Variants in IRAG1 observed in about 807,000 individuals in gnomAD.
The protein encoded by IRAG1 is IP3R-associated cGMP kinase substrate.
IRAG1 carries 62 observed loss-of-function variants against 106.2 expected under a neutral mutation model. That is an observed-to-expected ratio of 0.58 (90% CI 0.48 to 0.72). The LOEUF (loss-of-function observed/expected upper bound fraction) is 0.72, where lower values mean the gene tolerates loss of function less well. Ranked by LOEUF, IRAG1 falls within the 30% of genes least tolerant of loss-of-function variation. The pLI is 0.00. For synonymous variants in IRAG1, 462 were observed against 443.9 expected (o/e 1.04, Z -0.51); for missense variants, 1,064 against 1,140.7 (o/e 0.93, Z 0.97).
rs1862238954 is a variant in IRAG1 at position 10,693,751 on chromosome 11, A to G, written c.-149T>C. The G allele has an allele frequency of 4.3e-6, 4 of 929,300 alleles. No homozygotes were observed. Among genetic ancestry groups the G allele is most frequent in the Non-Finnish European group, 6.3e-6 (4 of 630,808 alleles). 57.6% of individuals were successfully genotyped at this position (929,300 alleles called of 1,614,324 possible). A position where few individuals can be genotyped will look rare whatever the true frequency, so the allele number is the denominator to read the frequency against. ...CCACTCCGGCCTGGCTCGGGGGATA[A>G]TGGCAGGGAAAGCCGACCAGCTGGC... On this transcript the variant is annotated 5_prime_UTR_variant, in exon 1 of 21. Coordinates refer to ENST00000423302, the MANE Select transcript of IRAG1 (RefSeq NM_130385.4).
At chr11:10,615,495 C>T (rs1855321587) in intron 10 of IRAG1, among the ~76,000 whole-genome samples, 1 of 152,124 alleles carries the variant, frequency 6.6e-6, no homozygotes, top group Admixed American at 6.5e-5. Context: ...ATGTTTATTG[C>T]AGCACTATTC....
chr11:10,633,650 G>T (rs911807272), intron 3 of IRAG1, among the ~76,000 whole-genome samples: 2 of 152,138 alleles, frequency 1.3e-5, no homozygotes, highest in Non-Finnish European at 2.9e-5. Context: ...CCCTTTCCAT[G>T]GGGGAACAAG....
At chr11:10,613,739 C>T (rs573573648) in intron 10 of IRAG1, among the ~76,000 whole-genome samples, 1 of 152,146 alleles carries the variant, frequency 6.6e-6, no homozygotes, top group Admixed American at 6.5e-5. Context: ...GGAAGATATT[C>T]GGCCATTCTC....
At chr11:10,691,324 G>C (rs547996097) in intron 1 of IRAG1, among the ~76,000 whole-genome samples, 1 of 152,236 alleles carries the variant, frequency 6.6e-6, no homozygotes, top group Admixed American at 6.5e-5. Context: ...TAAGGTCTCC[G>C]CCCTTGCAGG....
intron 11 of IRAG1, among the ~76,000 whole-genome samples, chr11:10,609,017 A>G (rs1481582257): frequency 1.3e-5 from 2 of 152,176 alleles, no homozygotes; most frequent in Non-Finnish European, 2.9e-5. Context: ...TAGGGGTCCA[A>G]CTTCACTCTT....
At chr11:10,629,410 C>T (rs1591636723) in intron 5 of IRAG1, 128 bp downstream of exon 5, 2 of 950,142 alleles carry the variant, frequency 2.1e-6, no homozygotes, top group Non-Finnish European at 3.1e-6. Context: ...CTGACCTCTG[C>T]TGAGGAGAGC....
Position 10,684,032 on chromosome 11 carries a change from G to A in IRAG1, c.67+9504C>T, listed in dbSNP as rs190067923. ...ATAATAAAGAAATATACATAAATTG[G>A]AGGTGCATGCTAAAAAAATTTTCTC... On this transcript the variant is annotated intron_variant, in intron 1 of 20. Transcript: ENST00000423302. Among the ~76,000 whole-genome samples the A allele has an allele frequency of 3.8e-3, 578 of 152,162 alleles. 1 individual carries two copies. Among genetic ancestry groups the A allele is most frequent in the Non-Finnish European group, 6.5e-3 (440 of 68,018 alleles).
At chr11:10,627,147 G>A (rs1322972729) in intron 8 of IRAG1, among the ~76,000 whole-genome samples, 1 of 152,132 alleles carries the variant, frequency 6.6e-6, no homozygotes, top group Non-Finnish European at 1.5e-5. Flanking sequence ...AGGGAAACCT[G>A]GGCCGTGAGC....
At chr11:10,677,610 AT>A (rs1022796341) in intron 1 of IRAG1, among the ~76,000 whole-genome samples, 35 of 152,244 alleles carry the variant, frequency 2.3e-4, no homozygotes, top group African/African-American at 8.4e-4. Context: ...TTTTTAAAAA[AT>A]TATGATAAAA....
chr11:10,622,605 A>C (rs961954272), intron 10 of IRAG1, among the ~76,000 whole-genome samples: 2 of 152,084 alleles, frequency 1.3e-5, no homozygotes, highest in African/African-American at 4.8e-5. Flanking sequence ...CCCAGGCTCA[A>C]GCGATCCTCC....
At chr11:10,644,447 A>G (rs189915116) in intron 2 of IRAG1, among the ~76,000 whole-genome samples, 3 of 152,340 alleles carry the variant, frequency 2.0e-5, no homozygotes, top group Admixed American at 2.0e-4. Context: ...TGATGAGATA[A>G]GTAGAAATGA....
chr11:10,650,410 T>C (rs1185743987), intron 2 of IRAG1, among the ~76,000 whole-genome samples: 1 of 152,212 alleles, frequency 6.6e-6, no homozygotes, highest in Non-Finnish European at 1.5e-5. Context: ...TTAGGAATGC[T>C]TTTAGTCTTG....
intron 1 of IRAG1, among the ~76,000 whole-genome samples, chr11:10,661,671 C>T (rs1408578456): frequency 6.6e-6 from 1 of 152,186 alleles, no homozygotes; most frequent in Non-Finnish European, 1.5e-5. Context: ...TCTCTGCTTC[C>T]CCCTTCACAT....
rs1859203641 is a variant in IRAG1 at position 10,659,204 on chromosome 11, G to C, written c.68-7022C>G. On this transcript the variant is annotated intron_variant, in intron 1 of 20. Transcript: ENST00000423302. This position sits in a 1 kb window ranked among gnomAD's most constrained non-coding sequence, Gnocchi z 4.1. ...CTAGTGTGGAATCCCTCCTGGAAGA[G>C]AGCCAGCCACAGTGTCTGGCCAAGT... Among the ~76,000 whole-genome samples the C allele has an allele frequency of 6.6e-6, 1 of 152,202 alleles. No individual in the cohort carries two copies. The highest frequency in any genetic ancestry group is 2.4e-5 in the African/African-American group (1 of 41,456).
Position 10,687,692 on chromosome 11 carries a change from C to T in IRAG1, c.67+5844G>A, listed in dbSNP as rs1031847388. On this transcript the variant is annotated intron_variant, in intron 1 of 20. Transcript: ENST00000423302. ...GAGAGGAAGTCCACCACTCTCCTTG[C>T]GGTGTTTTTGGAGTTGAGAATAGGA... 57 of 1,287,830 alleles carry T rather than the reference C, an allele frequency of 4.4e-5. No individual in the cohort carries two copies. The Admixed American group carries it at 5.1e-4, about 11-fold the overall frequency. 79.8% of individuals were successfully genotyped at this position (1,287,830 alleles called of 1,614,324 possible). A position where few individuals can be genotyped will look rare whatever the true frequency, so the allele number is the denominator to read the frequency against.
chr11:10,643,105 G>A (rs1589901266), intron 2 of IRAG1, among the ~76,000 whole-genome samples: 1 of 142,642 alleles, frequency 7.0e-6, no homozygotes, highest in East Asian at 2.0e-4. Context: ...AACCCAGGAG[G>A]CGGAGCTTAC....
intron 9 of IRAG1, among the ~76,000 whole-genome samples, chr11:10,625,464 A>G (rs2134562225): frequency 6.6e-6 from 1 of 152,266 alleles, no homozygotes; most frequent in South Asian, 2.1e-4. Flanking sequence ...GAAACTCACC[A>G]TGGGCGGAGC....
At chr11:10,668,679 C>T (rs533934752) in intron 1 of IRAG1, among the ~76,000 whole-genome samples, 27 of 152,284 alleles carry the variant, frequency 1.8e-4, no homozygotes, top group African/African-American at 5.5e-4. Flanking sequence ...TTTATAGTTT[C>T]GTCTCCCCTA....
At chr11:10,655,396 A>G (rs1404453994) in intron 1 of IRAG1, among the ~76,000 whole-genome samples, 1 of 152,170 alleles carries the variant, frequency 6.6e-6, no homozygotes, top group Non-Finnish European at 1.5e-5. Context: ...AGAAATAAAA[A>G]TCTCTTCTCA....
Sources: gnomAD v4.1 joint callset for allele counts (sites outside exome capture counted in the v4.1 genomes callset) on GRCh38, gnomAD v4.1.1 for gene constraint, Gnocchi (gnomAD v3.1) non-coding constraint, MANE v1.5 for transcripts, NCBI Gene and HGNC (gene_info 2026-07-23, HGNC 2026-07-21) for gene names.